The following PTK2B variants were observed in gnomAD, a reference collection of about 807,000 sequenced individuals.
PTK2B encodes the protein protein-tyrosine kinase 2-beta.
A neutral mutation model predicts 142.9 loss-of-function variants in PTK2B; 71 were observed. That is an observed-to-expected ratio of 0.50 (90% CI 0.41 to 0.61). The LOEUF (loss-of-function observed/expected upper bound fraction) is 0.61. Among genes scored for constraint, PTK2B ranks in the 20% least tolerant of loss-of-function variants. PTK2B has a pLI of 0.00. For missense variants in PTK2B, 1,105 were observed against 1,320.4 expected (o/e 0.84, Z 2.53); for synonymous variants, 519 against 503.4 (o/e 1.03, Z -0.42).
intron 28 of PTK2B, 50 bp from the exon 29 acceptor site, chr8:27,454,104 C>G: frequency 1.2e-6 from 2 of 1,609,460 alleles, no homozygotes; most frequent in Non-Finnish European, 1.7e-6. Context: ...AGAATCATTC[C>G]GTGCCCCTGG....
chr8:27,384,078 G>A (rs776640859), intron 1 of PTK2B, among the ~76,000 whole-genome samples: 21 of 150,928 alleles, frequency 1.4e-4, no homozygotes, highest in South Asian at 4.2e-4. Context: ...TCGAACTCCC[G>A]ACCTCAGGTG....
At chr8:27,389,685 A>G (rs568156745) in intron 1 of PTK2B, among the ~76,000 whole-genome samples, 2 of 152,230 alleles carry the variant, frequency 1.3e-5, no homozygotes, top group Non-Finnish European at 2.9e-5. Flanking sequence ...ATTACATTCA[A>G]TTATAGCTGG....
At chr8:27,451,899 ACAGAGGAGAGAAAG>A in intron 27 of PTK2B, 1 of 463,232 alleles carries the variant, frequency 2.2e-6, no homozygotes, top group Non-Finnish European at 3.0e-6. Context: ...GGCCTGAGGG[ACAGAGGAGAGAAAG>A]TGAGAGGGGC....
At chr8:27,407,106 T>C (rs1410854473) in intron 2 of PTK2B, among the ~76,000 whole-genome samples, 1 of 152,170 alleles carries the variant, frequency 6.6e-6, no homozygotes, top group African/African-American at 2.4e-5. Context: ...AACAGAACAT[T>C]TTTATTTTTC....
At chr8:27,361,598 G>A (rs978661283) in intron 1 of PTK2B, among the ~76,000 whole-genome samples, 3 of 152,100 alleles carry the variant, frequency 2.0e-5, no homozygotes, top group Non-Finnish European at 4.4e-5. Flanking sequence ...CTCTCCCTCT[G>A]ACTTCAGGGA....
intron 2 of PTK2B, among the ~76,000 whole-genome samples, chr8:27,401,002 G>A (rs1250477129): frequency 6.7e-6 from 1 of 149,570 alleles, no homozygotes; most frequent in African/African-American, 2.4e-5. Context: ...AGCTGGGTAT[G>A]GTGGTGTGCA....
At chr8:27,449,083 C>T (rs78655670) in intron 24 of PTK2B, among the ~76,000 whole-genome samples, 1,833 of 152,206 alleles carry the variant, frequency 0.012, 41 homozygotes, top group African/African-American at 0.042. Flanking sequence ...TGCTAAGCAT[C>T]GTACAATGCA....
intron 1 of PTK2B, among the ~76,000 whole-genome samples, chr8:27,339,593 T>C (rs1481712439): frequency 1.3e-5 from 2 of 152,120 alleles, no homozygotes; most frequent in African/African-American, 4.8e-5. Context: ...GGGCGAAAGC[T>C]TGAGAGATGA....
intron 1 of PTK2B, among the ~76,000 whole-genome samples, chr8:27,349,304 C>T (rs1397260702): frequency 1.3e-5 from 2 of 152,124 alleles, no homozygotes; most frequent in East Asian, 3.8e-4. Flanking sequence ...CTCTTTAAGT[C>T]TTAATTTTCT....
rs2241656 is a variant in PTK2B at position 27,440,108 on chromosome 8, G to A, written c.1835-129G>A. ...ACCACCATGGTAGGCAGGACCCCAG[G>A]GTGCTGGAGGAGGAGGAGGGACCGC... On this transcript the variant is annotated intron_variant, in intron 20 of 30. Transcript: ENST00000346049. 3.3e-6 allele frequency: 3 copies of A among 900,020 alleles called. No individual in the cohort carries two copies. In the South Asian group the frequency reaches 4.8e-5, roughly 14 times the overall value. 55.8% of individuals were successfully genotyped at this position (900,020 alleles called of 1,614,324 possible).
chr8:27,393,347 A>G lies in PTK2B; in HGVS notation c.-37-4201A>G, dbSNP rs79296632. Among the ~76,000 whole-genome samples the G allele has an allele frequency of 3.7e-3, 570 of 152,374 alleles. 2 individuals are homozygous for G. Among genetic ancestry groups the G allele is most frequent in the African/African-American group, 0.013 (523 of 41,594 alleles). On this transcript the variant is annotated intron_variant, in intron 1 of 30. Coordinates refer to ENST00000346049, the MANE Select transcript of PTK2B (RefSeq NM_173176.3). ...CTAAAGGGAGAACTGAGGAACTTGC[A>G]TCAGGCTGAAGGTAGAGGTAGATTC...
chr8:27,319,698 G>A (rs577465414), intron 3 of PTK2B, among the ~76,000 whole-genome samples: 1 of 150,622 alleles, frequency 6.6e-6, no homozygotes, highest in African/African-American at 2.4e-5. Flanking sequence ...TTAATGGTCA[G>A]TTATGAGCTA....
At chr8:27,423,725 CAG>C (rs1354514621) in intron 5 of PTK2B, among the ~76,000 whole-genome samples, 1 of 152,114 alleles carries the variant, frequency 6.6e-6, no homozygotes, top group Non-Finnish European at 1.5e-5. Flanking sequence ...GATTCTCAGT[CAG>C]AGAGAATGCT....
intron 1 of PTK2B, among the ~76,000 whole-genome samples, chr8:27,348,538 C>T (rs1804851965): frequency 6.6e-6 from 1 of 152,190 alleles, no homozygotes. Flanking sequence ...AGTGCGATCG[C>T]ACCTCCCAGC....
At chr8:27,353,560 AAC>A (rs10640386) in intron 1 of PTK2B, among the ~76,000 whole-genome samples, 18 of 151,596 alleles carry the variant, frequency 1.2e-4, no homozygotes, top group African/African-American at 4.1e-4. Context: ...CTCTCTCTCT[AAC>A]ACACACACAC....
chr8:27,418,756 G>T (rs992124832), intron 2 of PTK2B, among the ~76,000 whole-genome samples: 3 of 152,002 alleles, frequency 2.0e-5, no homozygotes, highest in Non-Finnish European at 4.4e-5. Context: ...GTCCGGGCGC[G>T]GTGGCTCACG....
intron 1 of PTK2B, among the ~76,000 whole-genome samples, chr8:27,339,861 C>A (rs996221610): frequency 6.6e-6 from 1 of 152,240 alleles, no homozygotes; most frequent in African/African-American, 2.4e-5. Flanking sequence ...CAGATCCCTT[C>A]TGTAGAATTT....
chr8:27,311,421 A>G (rs1382462979), upstream of PTK2B: 3 of 711,464 alleles, frequency 4.2e-6, no homozygotes, highest in African/African-American at 1.9e-5. Flanking sequence ...CGCTCGGAGG[A>G]GCCCCACCCA....
chr8:27,382,300 AATTATT>A (rs1157001993), intron 1 of PTK2B, among the ~76,000 whole-genome samples: 1 of 152,122 alleles, frequency 6.6e-6, no homozygotes, highest in African/African-American at 2.4e-5. Context: ...ATTAAAAAAA[AATTATT>A]ATTATTTACC....
Sources: allele counts gnomAD v4.1 joint callset (sites outside exome capture counted in the v4.1 genomes callset), GRCh38; gene constraint gnomAD v4.1.1; transcripts MANE v1.5; gene names NCBI Gene and HGNC (gene_info 2026-07-23, HGNC 2026-07-21).